DNAH8: variants seen among roughly 807,000 people sequenced by gnomAD.
DNAH8 encodes the protein axonemal beta dynein heavy chain 8.
In DNAH8, 382 loss-of-function variants were observed where a neutral mutation model predicts 562.1. The observed-to-expected ratio is 0.68, with a 90% CI of 0.63 to 0.74. The LOEUF (loss-of-function observed/expected upper bound fraction) is 0.74. Among genes scored for constraint, DNAH8 ranks in the 30% least tolerant of loss-of-function variants. The pLI, the probability that DNAH8 is intolerant of heterozygous loss-of-function variation, is 0.00. For synonymous variants in DNAH8, 1,881 were observed against 1,919.4 expected, an observed-to-expected ratio of 0.98 and a Z score of 0.52; for missense variants, 5,203 against 5,620.4, an observed-to-expected ratio of 0.93 and a Z score of 2.37.
At chr6:38,731,976 A>G (rs1289788128) in intron 4 of DNAH8, among the ~76,000 whole-genome samples, 4 of 152,202 alleles carry the variant, frequency 2.6e-5, no homozygotes, top group Non-Finnish European at 2.9e-5. Context: ...TCGGCCTTCC[A>G]AAGTGCTGAG....
chr6:38,828,621 G>A (rs2150348123), intron 30 of DNAH8, among the ~76,000 whole-genome samples: 1 of 152,274 alleles, frequency 6.6e-6, no homozygotes, highest in African/African-American at 2.4e-5. Context: ...CTAGGTTTGT[G>A]TAAGTACACT....
At chr6:38,933,807 G>A (rs1280971663) in intron 76 of DNAH8, among the ~76,000 whole-genome samples, 1 of 151,982 alleles carries the variant, frequency 6.6e-6, no homozygotes, top group Non-Finnish European at 1.5e-5. Flanking sequence ...GGCAGAGACC[G>A]GCCTAATACC....
In DNAH8 at chr6:38,722,917, T is replaced by G; in HGVS notation, c.108T>G (p.Pro36=). ...PRSEEEEAPR[P]PTVEAPAEDG... is the part of the protein sequence containing the mutation. ...CAGAAGAGGAAGAGGCCCCGCGCCC[T>G]CCGACAGTGGAGGCCCCGGCAGAAG... The change falls in exon 2 of 93, where the codon CCT becomes CCG. Residue 36 remains proline, a synonymous_variant. Coordinates refer to ENST00000327475, the MANE Select transcript of DNAH8 (RefSeq NM_001206927.2). The G allele has an allele frequency of 6.2e-7, 1 of 1,612,416 alleles. No homozygotes were observed. Among genetic ancestry groups the G allele is most frequent in the Non-Finnish European group, 8.5e-7 (1 of 1,179,632 alleles).
At position 38,909,594 on chromosome 6, in the gene DNAH8, G is replaced by T; in HGVS notation, c.9590G>T (p.Arg3197Leu). 3.7e-6 allele frequency: 6 copies of T among 1,614,150 alleles called. No individual in the cohort carries two copies. The highest frequency in any genetic ancestry group is 5.1e-6 in the Non-Finnish European group (6 of 1,180,008). Reference protein sequence around the residue: ...ISGCTMDWFSRWPREALIAVA... With the variant: ...ISGCTMDWFSLWPREALIAVA... ...GGTTGCACTATGGACTGGTTCAGCCGCTGGCCAAGGGAGGCTCTGATTGCT... is the reference window on the plus strand; with the variant it reads ...GGTTGCACTATGGACTGGTTCAGCCTCTGGCCAAGGGAGGCTCTGATTGCT... The change falls in exon 65 of 93, where the codon CGC (arginine) becomes CTC (leucine). Residue 3197 changes from arginine (R) to leucine (L), a missense_variant. Physicochemically the swap from Arg to Leu is moderately radical, Grantham distance 102. Transcript: ENST00000327475.
At position 38,766,908 on chromosome 6, in the gene DNAH8, CATCTGTTAAGCATCT is replaced by C. The variant is rs1486546804; in HGVS notation, c.1618-3503_1618-3489del. Among the ~76,000 whole-genome samples, 7 of 152,158 alleles carry C rather than the reference CATCTGTTAAGCATCT, an allele frequency of 4.6e-5. No individual in the cohort carries two copies. The South Asian group carries it at 1.0e-3, about 23-fold the overall frequency. The stretch of plus-strand genomic sequence containing the variant: ...AACAAAAAGCAAGTCTGATAGAAAT[CATCTGTTAAGCATCT>C]AGGATCGACATTTTCTTTGTGAAAA... On this transcript the variant is annotated intron_variant, in intron 11 of 92. Coordinates refer to ENST00000327475, the MANE Select transcript of DNAH8 (RefSeq NM_001206927.2).
In DNAH8 at chr6:39,014,521, G is replaced by T. The variant is rs76419233; in HGVS notation, c.13714+1884G>T. The stretch of plus-strand genomic sequence containing the variant: ...CCTGCCCTAAAGGAGCCTATAATCT[G>T]GTTGGTAAGACAGACACATCAGCAA... On this transcript the variant is annotated intron_variant, in intron 91 of 92. Transcript: ENST00000327475. 0.011 allele frequency among the ~76,000 whole-genome samples: 1,703 copies of T among 152,298 alleles called. 109 individuals are homozygous for T. The East Asian group carries it at 0.16, about 14-fold the overall frequency.
At position 38,805,538 on chromosome 6, in the gene DNAH8, A is replaced by G; in HGVS notation, c.3092A>G (p.Tyr1031Cys). The G allele has an allele frequency of 6.2e-7, 1 of 1,610,346 alleles. No homozygotes were observed. The highest frequency in any genetic ancestry group is 8.5e-7 in the Non-Finnish European group (1 of 1,176,842). The change falls in exon 23 of 93, where the codon TAT (tyrosine) becomes TGT (cysteine). Residue 1031 changes from tyrosine (Y) to cysteine (C), a missense_variant. Tyr to Cys is a radical substitution (Grantham distance 194). Around this residue, in one of 6 missense-constraint regions of DNAH8, gnomAD observed 2,176 missense variants for 2,365.1 expected, o/e 0.92. Coordinates refer to ENST00000327475, the MANE Select transcript of DNAH8 (RefSeq NM_001206927.2). Reference protein sequence around the residue: ...SETGEGENNDYEANIVNEFDT... With the variant: ...SETGEGENNDCEANIVNEFDT... The stretch of plus-strand genomic sequence containing the variant: ...ACAGGAGAGGGTGAAAACAATGACT[A>G]TGAAGCTAATATTGTGAATGAGTTT...
At chr6:38,966,755 C>T (rs1762995451) in intron 82 of DNAH8, among the ~76,000 whole-genome samples, 1 of 152,186 alleles carries the variant, frequency 6.6e-6, no homozygotes, top group African/African-American at 2.4e-5. Flanking sequence ...CAGATGCTGT[C>T]TTAGTCTGTT....
chr6:38,909,440 T>A, intron 64 of DNAH8, 78 bp from the exon 65 acceptor site: 1 of 1,303,558 alleles, frequency 7.7e-7, no homozygotes, highest in Non-Finnish European at 1.1e-6. Context: ...CACTCTTGGG[T>A]CAGATTGCGT....
chr6:39,000,859 G>A (rs944525251), intron 88 of DNAH8, among the ~76,000 whole-genome samples: 3 of 152,180 alleles, frequency 2.0e-5, no homozygotes, highest in Non-Finnish European at 4.4e-5. Flanking sequence ...GTTGGGAACC[G>A]CTGTCTTAAA....
At position 38,757,073 on chromosome 6, in the gene DNAH8, C is replaced by A. The variant is rs138568444; in HGVS notation, c.1515+994C>A. Among the ~76,000 whole-genome samples the A allele has an allele frequency of 3.4e-3, 525 of 152,246 alleles. 2 individuals are homozygous for A. Among genetic ancestry groups the A allele is most frequent in the African/African-American group, 0.012 (496 of 41,532 alleles). Reference sequence around the variant, plus strand: ...GCTGGGTCAGATGGTATTTCTAGTTCTAGATCCCTGAGGAATCGCCACACT... The same window carrying A: ...GCTGGGTCAGATGGTATTTCTAGTTATAGATCCCTGAGGAATCGCCACACT... On this transcript the variant is annotated intron_variant, in intron 10 of 92. Coordinates refer to ENST00000327475, the MANE Select transcript of DNAH8 (RefSeq NM_001206927.2).
intron 92 of DNAH8, 149 bp downstream of exon 92, chr6:39,026,816 C>A: frequency 1.4e-6 from 1 of 734,752 alleles, no homozygotes; most frequent in Non-Finnish European, 2.2e-6. Context: ...ACATCAGTGC[C>A]AAAGCCTCCC....
intron 21 of DNAH8, among the ~76,000 whole-genome samples, chr6:38,798,446 C>T (rs1039615140): frequency 1.3e-5 from 2 of 152,200 alleles, no homozygotes; most frequent in African/African-American, 4.8e-5. Flanking sequence ...CGAGTCTTCT[C>T]AAGAAGAGAT....
At chr6:38,765,048 C>G (rs1446184324) in intron 11 of DNAH8, among the ~76,000 whole-genome samples, 2 of 152,180 alleles carry the variant, frequency 1.3e-5, no homozygotes, top group Non-Finnish European at 2.9e-5. Flanking sequence ...GTTGGCCAGG[C>G]TGGTCTTGAA....
At chr6:38,916,923 T>C (rs181383687) in intron 68 of DNAH8, among the ~76,000 whole-genome samples, 37 of 152,320 alleles carry the variant, frequency 2.4e-4, no homozygotes, top group African/African-American at 6.5e-4. Flanking sequence ...ACACCTAATA[T>C]AGACCCTGTG....
intron 52 of DNAH8, among the ~76,000 whole-genome samples, chr6:38,873,689 A>G (rs1777648012): frequency 6.6e-6 from 1 of 151,450 alleles, no homozygotes; most frequent in Admixed American, 6.6e-5. Flanking sequence ...ATAGTAATTA[A>G]TTAAATTTTA....
intron 88 of DNAH8, among the ~76,000 whole-genome samples, chr6:39,000,028 T>G (rs897846610): frequency 6.6e-6 from 1 of 152,046 alleles, no homozygotes; most frequent in African/African-American, 2.4e-5. Context: ...AATAAGTAAA[T>G]TTTCATGTCC....
At chr6:38,957,216 A>G (rs553315862) in intron 82 of DNAH8, among the ~76,000 whole-genome samples, 2 of 151,794 alleles carry the variant, frequency 1.3e-5, no homozygotes, top group South Asian at 4.2e-4. Context: ...GGTAAATACA[A>G]CAAGAGTGCA....
Position 38,741,708 on chromosome 6 carries a change from C to A in DNAH8, c.1117-3C>A, listed in dbSNP as rs767181931. The A allele has an allele frequency of 1.9e-6, 3 of 1,591,832 alleles. No homozygotes were observed. Among genetic ancestry groups the A allele is most frequent in the Non-Finnish European group, 2.6e-6 (3 of 1,172,406 alleles). ...TATATTTTATAAATTTTTTTGACTGCAGGTACTTATTGAGAGTGAGCAGAT... is the reference window on the plus strand; with the variant it reads ...TATATTTTATAAATTTTTTTGACTGAAGGTACTTATTGAGAGTGAGCAGAT... On this transcript the variant is annotated splice_region_variant and splice_polypyrimidine_tract_variant and intron_variant, in intron 7 of 92. Coordinates refer to ENST00000327475, the MANE Select transcript of DNAH8 (RefSeq NM_001206927.2).
Sources: allele counts gnomAD v4.1 joint callset (sites outside exome capture counted in the v4.1 genomes callset), GRCh38; gene constraint gnomAD v4.1.1; regional missense constraint gnomAD v4.1.1; transcripts MANE v1.5; gene names NCBI Gene and HGNC (gene_info 2026-07-23, HGNC 2026-07-21).